WAC: variants seen among roughly 807,000 people sequenced by gnomAD.
The protein encoded by WAC is WW domain containing adaptor with coiled-coil, also known as WW domain-containing adapter protein with coiled-coil.
WAC carries 11 observed loss-of-function variants against 79.6 expected under a neutral mutation model. The observed-to-expected ratio is 0.14, with a 90% CI of 0.09 to 0.23. The LOEUF is 0.23. WAC is among the 10% of genes least tolerant of loss of function. WAC has a pLI of 1.00. For missense variants in WAC, 728 were observed against 773.5 expected, an observed-to-expected ratio of 0.94 and a Z score of 0.70; for synonymous variants, 304 against 276.9, an observed-to-expected ratio of 1.10 and a Z score of -0.97.
At chr10:28,583,983 T>C (rs55969315) in intron 4 of WAC, among the ~76,000 whole-genome samples, 29 of 152,340 alleles carry the variant, frequency 1.9e-4, no homozygotes, top group Non-Finnish European at 3.8e-4. Flanking sequence ...TTTTCAGAAG[T>C]TTAGTTTAAT....
intron 6 of WAC, among the ~76,000 whole-genome samples, chr10:28,594,978 T>G (rs1840277197): frequency 6.6e-6 from 1 of 152,246 alleles, no homozygotes; most frequent in Non-Finnish European, 1.5e-5. Flanking sequence ...GAGCTTAAAG[T>G]ATTTTTGTGG....
At chr10:28,607,814 T>C (rs2132804453) in intron 7 of WAC, among the ~76,000 whole-genome samples, 1 of 152,348 alleles carries the variant, frequency 6.6e-6, no homozygotes, top group South Asian at 2.1e-4. Context: ...TGTAGAATTA[T>C]ATTGTCCTTT....
At chr10:28,533,874 G>A in intron 1 of WAC, 124 bp from the exon 2 acceptor site, 10 of 1,247,954 alleles carry the variant, frequency 8.0e-6, no homozygotes, top group Non-Finnish European at 1.0e-5. Context: ...TGCGTGCGGG[G>A]CTCGGCGCTG....
rs1053089376 is a variant in WAC, at chr10:28,556,929, A to C, written c.274+21172A>C. 5.3e-5 allele frequency among the ~76,000 whole-genome samples: 8 copies of C among 152,292 alleles called. No homozygotes were observed. The East Asian group carries it at 1.4e-3, about 26-fold the overall frequency. Reference sequence around the variant, plus strand: ...TGGTGTGTGTTTCTGTTTTTATACCAGAACCATACTTTTTTTATTATTACC... The same window carrying C: ...TGGTGTGTGTTTCTGTTTTTATACCCGAACCATACTTTTTTTATTATTACC... On this transcript the variant is annotated intron_variant, in intron 3 of 13. Coordinates refer to ENST00000354911, the MANE Select transcript of WAC (RefSeq NM_016628.5).
chr10:28,562,026 G>C lies in WAC; in HGVS notation c.275-21373G>C, dbSNP rs190090771. On this transcript the variant is annotated intron_variant, in intron 3 of 13. Coordinates refer to ENST00000354911, the MANE Select transcript of WAC (RefSeq NM_016628.5). ...AGGAGCTGAGTATGATCTGTGATAT[G>C]CTACAGACAGCTGAGATTAGTTCTG... Among the ~76,000 whole-genome samples, 276 of 152,220 alleles carry C rather than the reference G, an allele frequency of 1.8e-3. 1 individual carries two copies. Among genetic ancestry groups the C allele is most frequent in the South Asian group, 6.2e-3 (30 of 4,820 alleles).
chr10:28,568,592 C>T (rs950584609), intron 3 of WAC, among the ~76,000 whole-genome samples: 1 of 151,818 alleles, frequency 6.6e-6, no homozygotes, highest in African/African-American at 2.4e-5. Flanking sequence ...ATGTGCACAA[C>T]GTGAGGTTTG....
intron 3 of WAC, among the ~76,000 whole-genome samples, chr10:28,582,915 T>TG (rs368348247): frequency 7.2e-4 from 109 of 152,288 alleles, no homozygotes; most frequent in Non-Finnish European, 1.4e-3. Flanking sequence ...AAAAAGTTGA[T>TG]GCTGTTTTAT....
At chr10:28,565,295 A>C (rs1174445955) in intron 3 of WAC, among the ~76,000 whole-genome samples, 2 of 152,240 alleles carry the variant, frequency 1.3e-5, no homozygotes, top group African/African-American at 2.4e-5. Flanking sequence ...TTGTGTGAAC[A>C]TAACTTTTTG....
Position 28,617,677 on chromosome 10 carries a change from A to G in WAC, c.1767A>G (p.Glu589=). ...AEKQASRLRE[E]AHNMGTIHMS... is the part of the protein sequence containing the mutation. ...TACAGGCATCAAGATTACGCGAAGA[A>G]GCGCATAACATGGGAACTATTCACA... Residue 589 remains glutamate (E), a synonymous_variant, in exon 13 of 14, where the codon GAA becomes GAG. Transcript: ENST00000354911. 1.9e-6 allele frequency: 3 copies of G among 1,576,828 alleles called. No homozygotes were observed. The highest frequency in any genetic ancestry group is 4.6e-5 in the East Asian group (2 of 43,604).
chr10:28,616,484 C>T, intron 12 of WAC, 122 bp downstream of exon 12: 1 of 848,910 alleles, frequency 1.2e-6, no homozygotes. Flanking sequence ...GAATCTCTAA[C>T]TTTGTAGTCA....
At chr10:28,592,406 G>A (rs754584862) in intron 6 of WAC, among the ~76,000 whole-genome samples, 2 of 152,030 alleles carry the variant, frequency 1.3e-5, no homozygotes, top group African/African-American at 2.4e-5. Context: ...GGCGGATCAC[G>A]AAGTCAAGAG....
chr10:28,573,570 C>G (rs1839090084), intron 3 of WAC, among the ~76,000 whole-genome samples: 1 of 152,164 alleles, frequency 6.6e-6, no homozygotes, highest in Non-Finnish European at 1.5e-5. Flanking sequence ...ATTCCAGATT[C>G]ACAGTCGTGC....
intron 6 of WAC, among the ~76,000 whole-genome samples, chr10:28,593,470 A>G (rs1425587555): frequency 6.6e-6 from 1 of 152,138 alleles, no homozygotes; most frequent in Non-Finnish European, 1.5e-5. Flanking sequence ...GTAAAGCACT[A>G]AAATATTTTA....
chr10:28,607,674 G>A (rs1399594547), intron 7 of WAC, among the ~76,000 whole-genome samples: 1 of 152,114 alleles, frequency 6.6e-6, no homozygotes. Flanking sequence ...CACATCTTTA[G>A]CCCATTTTGG....
chr10:28,619,319 ACATCCTTTCAT>A (rs1841607539), intron 13 of WAC, among the ~76,000 whole-genome samples: 1 of 152,150 alleles, frequency 6.6e-6, no homozygotes, highest in Admixed American at 6.5e-5. Context: ...GAAAACTAAA[ACATCCTTTCAT>A]CATCCTTATA....
chr10:28,604,303 G>T (rs1228664105), intron 7 of WAC, among the ~76,000 whole-genome samples: 1 of 151,092 alleles, frequency 6.6e-6, no homozygotes, highest in Non-Finnish European at 1.5e-5. Context: ...TGGCCTAGAA[G>T]TTAAATGCGA....
chr10:28,554,695 A>G (rs997483722), intron 3 of WAC, among the ~76,000 whole-genome samples: 17 of 152,142 alleles, frequency 1.1e-4, no homozygotes, highest in African/African-American at 4.1e-4. Context: ...TCTTTTTGTA[A>G]AAATCTTTTA....
At chr10:28,558,701 TAGTG>T (rs1838132851) in intron 3 of WAC, among the ~76,000 whole-genome samples, 2 of 152,324 alleles carry the variant, frequency 1.3e-5, no homozygotes, top group South Asian at 2.1e-4. Flanking sequence ...AGTAAAATAA[TAGTG>T]AGTTTGCTTT....
intron 3 of WAC, among the ~76,000 whole-genome samples, chr10:28,580,005 T>C (rs891172378): frequency 6.6e-6 from 1 of 152,200 alleles, no homozygotes; most frequent in Admixed American, 6.5e-5. Flanking sequence ...CAGAAAAATA[T>C]CTTTATCTTA....
Sources: gnomAD v4.1 joint callset for allele counts (sites outside exome capture counted in the v4.1 genomes callset) on GRCh38, gnomAD v4.1.1 for gene constraint, MANE v1.5 for transcripts, NCBI Gene and HGNC (gene_info 2026-07-23, HGNC 2026-07-21) for gene names.